Variants in STAU2 observed in about 807,000 individuals in gnomAD.
STAU2 encodes double-stranded RNA-binding protein Staufen homolog 2.
STAU2 carries 20 observed loss-of-function variants against 65.9 expected under a neutral mutation model. The observed-to-expected ratio is 0.30, with a 90% CI of 0.21 to 0.44. STAU2 has a LOEUF of 0.44. Ranked by LOEUF, STAU2 falls within the 20% of genes least tolerant of loss-of-function variation. The pLI, the probability that STAU2 is intolerant of heterozygous loss-of-function variation, is 1.00. For missense variants in STAU2, 558 were observed against 683.9 expected, an observed-to-expected ratio of 0.82 and a Z score of 2.05; for synonymous variants, 232 against 233.9, an observed-to-expected ratio of 0.99 and a Z score of 0.07.
At chr8:73,600,019 C>T (rs1329204154) in intron 10 of STAU2, among the ~76,000 whole-genome samples, 3 of 152,164 alleles carry the variant, frequency 2.0e-5, no homozygotes, top group Admixed American at 6.5e-5. Context: ...CCACCTGCCT[C>T]GGCCTCCCAA....
intron 6 of STAU2, among the ~76,000 whole-genome samples, chr8:73,651,063 T>C (rs1338553493): frequency 6.6e-6 from 1 of 152,196 alleles, no homozygotes; most frequent in African/African-American, 2.4e-5. Flanking sequence ...CCTCTAGCTT[T>C]GGCTCCGTGG....
intron 13 of STAU2, among the ~76,000 whole-genome samples, chr8:73,530,397 C>T (rs1206196972): frequency 1.3e-5 from 2 of 152,112 alleles, no homozygotes; most frequent in East Asian, 1.9e-4. Flanking sequence ...ACAACTGGTC[C>T]AATCACAAAG....
intron 6 of STAU2, among the ~76,000 whole-genome samples, chr8:73,632,263 TAA>T (rs567857428): frequency 9.1e-5 from 13 of 142,926 alleles, no homozygotes; most frequent in Non-Finnish European, 1.1e-4. Flanking sequence ...TTCAGTACAT[TAA>T]AAAAAAAAAA....
At chr8:73,555,581 A>C (rs4737389) in intron 12 of STAU2, among the ~76,000 whole-genome samples, 5,358 of 151,954 alleles carry the variant, frequency 0.035, 267 homozygotes, top group Admixed American at 0.13. Flanking sequence ...AACCCCACAC[A>C]CAATAAAAAA....
At chr8:73,527,354 G>A (rs186807526) in intron 13 of STAU2, 24 of 191,384 alleles carry the variant, frequency 1.3e-4, no homozygotes, top group East Asian at 7.8e-4. Context: ...ATACTACAGC[G>A]AGACTCCAGT....
At chr8:73,704,977 C>T (rs1037147751) in intron 4 of STAU2, among the ~76,000 whole-genome samples, 1 of 152,100 alleles carries the variant, frequency 6.6e-6, no homozygotes, top group African/African-American at 2.4e-5. Context: ...TTGTGGGTTT[C>T]ATAATGAATG....
At chr8:73,731,456 A>G (rs1208920533) in intron 3 of STAU2, among the ~76,000 whole-genome samples, 3 of 152,204 alleles carry the variant, frequency 2.0e-5, no homozygotes, top group Non-Finnish European at 4.4e-5. Context: ...TAGGCTCTGC[A>G]GTAAGCTGTT....
chr8:73,714,795 A>C (rs1821127594), intron 3 of STAU2, among the ~76,000 whole-genome samples: 1 of 152,088 alleles, frequency 6.6e-6, no homozygotes, highest in Admixed American at 6.6e-5. Context: ...CAATATGTGA[A>C]GAAAGGCCAG....
chr8:73,527,734 G>T (rs1200778136), intron 13 of STAU2: 5 of 1,536,614 alleles, frequency 3.3e-6, no homozygotes, highest in Non-Finnish European at 4.4e-6. Flanking sequence ...AGCATGGAAA[G>T]TCATCTGCAC....
intron 8 of STAU2, among the ~76,000 whole-genome samples, chr8:73,614,618 C>G (rs1812701027): frequency 6.6e-6 from 1 of 152,040 alleles, no homozygotes; most frequent in South Asian, 2.1e-4. Context: ...ATCTGCAATA[C>G]TAAATATTTA....
intron 6 of STAU2, among the ~76,000 whole-genome samples, chr8:73,663,379 C>G (rs1012339536): frequency 1.3e-5 from 2 of 152,112 alleles, no homozygotes; most frequent in Admixed American, 6.5e-5. Flanking sequence ...AACAGGCAAG[C>G]CAGACGTGAC....
chr8:73,611,986 T>C (rs1287338850), intron 9 of STAU2, among the ~76,000 whole-genome samples: 3 of 152,140 alleles, frequency 2.0e-5, no homozygotes, highest in African/African-American at 4.8e-5. Context: ...CCCAGCCTGG[T>C]TTGCCTGGTT....
At chr8:73,592,491 T>C (rs929732614) in intron 11 of STAU2, among the ~76,000 whole-genome samples, 13 of 152,078 alleles carry the variant, frequency 8.5e-5, no homozygotes, top group African/African-American at 2.6e-4. Context: ...AAATCTGAGT[T>C]TGTAGTTAAA....
chr8:73,573,799 C>T (rs946254578), intron 12 of STAU2, among the ~76,000 whole-genome samples: 3 of 152,154 alleles, frequency 2.0e-5, no homozygotes, highest in African/African-American at 7.2e-5. Flanking sequence ...ACCACAAAAA[C>T]CCTAAAAGAA....
chr8:73,514,210 GA>G (rs1822577652), intron 13 of STAU2, among the ~76,000 whole-genome samples: 2 of 152,072 alleles, frequency 1.3e-5, no homozygotes, highest in Non-Finnish European at 2.9e-5. Flanking sequence ...CTCTTTAGGA[GA>G]GATGCTGCTT....
chr8:73,671,367 G>A (rs1306855489), intron 6 of STAU2, among the ~76,000 whole-genome samples: 2 of 150,848 alleles, frequency 1.3e-5, no homozygotes, highest in African/African-American at 4.9e-5. Context: ...GTGACAGAGT[G>A]AGACTTCATC....
chr8:73,520,771 G>A (rs182361910), intron 13 of STAU2, among the ~76,000 whole-genome samples: 15 of 152,268 alleles, frequency 9.9e-5, no homozygotes, highest in Non-Finnish European at 2.1e-4. Flanking sequence ...ATGAAGTGGA[G>A]GATGTCAGAG....
At chr8:73,490,185 T>C (rs796740559) in intron 13 of STAU2, among the ~76,000 whole-genome samples, 6 of 152,158 alleles carry the variant, frequency 3.9e-5, no homozygotes, top group African/African-American at 1.2e-4. Flanking sequence ...TTCGTGTAAA[T>C]GACAGCAAGG....
chr8:73,596,592 G>C (rs1811204604), intron 10 of STAU2, among the ~76,000 whole-genome samples: 1 of 152,090 alleles, frequency 6.6e-6, no homozygotes, highest in East Asian at 1.9e-4. Context: ...GGTCAGGTGT[G>C]GTGGCTTATA....
Sources: gnomAD v4.1 joint callset for allele counts (sites outside exome capture counted in the v4.1 genomes callset) on GRCh38, gnomAD v4.1.1 for gene constraint, MANE v1.5 for transcripts, NCBI Gene and HGNC (gene_info 2026-07-23, HGNC 2026-07-21) for gene names.